The following SLC35F2 variants were observed in gnomAD, a reference collection of about 807,000 sequenced individuals.
SLC35F2 encodes solute carrier family 35 member F2.
SLC35F2 carries 25 observed loss-of-function variants against 38.1 expected under a neutral mutation model. The ratio of observed to expected loss-of-function variants is 0.66; its 90% CI spans 0.48 to 0.92. The LOEUF (loss-of-function observed/expected upper bound fraction) is 0.92. Ranked by LOEUF, SLC35F2 falls within the 40% of genes least tolerant of loss-of-function variation. The probability of loss-of-function intolerance (pLI) is 0.00; values close to 1 mark genes in which losing one functional copy is unlikely to be tolerated. For missense variants in SLC35F2, 409 were observed against 452.9 expected, an observed-to-expected ratio of 0.90 and a Z score of 0.88; for synonymous variants, 173 against 181.7, an observed-to-expected ratio of 0.95 and a Z score of 0.38.
At chr11:107,846,213 A>G (rs1860102478) in intron 1 of SLC35F2, among the ~76,000 whole-genome samples, 1 of 128,610 alleles carries the variant, frequency 7.8e-6, no homozygotes, top group South Asian at 2.9e-4. Context: ...GATTGGTAAC[A>G]GAAAAAAAAA....
intron 1 of SLC35F2, 67 bp downstream of exon 1, chr11:107,858,591 A>G: frequency 8.2e-7 from 1 of 1,226,080 alleles, no homozygotes; most frequent in Non-Finnish European, 1.0e-6. Context: ...CTCCTTGTCC[A>G]CGTGCGCGCA....
intron 4 of SLC35F2, chr11:107,806,515 A>T: frequency 1.8e-6 from 1 of 553,070 alleles, no homozygotes. Context: ...CGTTTAACTC[A>T]CTTGAAGATT....
chr11:107,817,991 A>T (rs1591194215), intron 1 of SLC35F2, among the ~76,000 whole-genome samples: 1 of 145,136 alleles, frequency 6.9e-6, no homozygotes, highest in South Asian at 2.3e-4. Flanking sequence ...CGGGAGGCGG[A>T]GTTTGCAGTG....
intron 1 of SLC35F2, among the ~76,000 whole-genome samples, chr11:107,837,471 T>C (rs1859946690): frequency 6.7e-6 from 1 of 150,320 alleles, no homozygotes; most frequent in Admixed American, 6.7e-5. Context: ...GTGGATCACT[T>C]GAGGTCAGGA....
Position 107,802,981 on chromosome 11 carries a change from A to G in SLC35F2, c.939+20T>C. 1 of 1,588,778 alleles carries G rather than the reference A, an allele frequency of 6.3e-7. No homozygotes were observed. The highest frequency in any genetic ancestry group is 8.5e-7 in the Non-Finnish European group (1 of 1,170,756). The stretch of plus-strand genomic sequence containing the variant: ...GGATCCAAGCAAGTATTCTTATTTG[A>G]ACGTGATCTATTTGTTTACCTTATA... On this transcript the variant is annotated intron_variant, in intron 7 of 7. Transcript: ENST00000525815.
chr11:107,805,662 GTGTGTGTGTA>G, intron 4 of SLC35F2, 147 bp from the exon 5 acceptor site: 3 of 1,444,138 alleles, frequency 2.1e-6, no homozygotes, highest in South Asian at 3.0e-5. Flanking sequence ...GTGAGAGTGT[GTGTGTGTGTA>G]TGTGTGTGTG....
chr11:107,821,102 G>T (rs1190405511), intron 1 of SLC35F2, among the ~76,000 whole-genome samples: 3 of 152,160 alleles, frequency 2.0e-5, no homozygotes, highest in African/African-American at 7.2e-5. Flanking sequence ...AAAGTACCAG[G>T]CACAGAAACC....
At chr11:107,818,473 T>C (rs973373229) in intron 1 of SLC35F2, among the ~76,000 whole-genome samples, 3 of 152,240 alleles carry the variant, frequency 2.0e-5, no homozygotes, top group African/African-American at 7.2e-5. Context: ...CTTAGCCCTC[T>C]TGAGGTAACT....
At chr11:107,858,553 C>T in intron 1 of SLC35F2, 105 bp downstream of exon 1, 1 of 1,065,580 alleles carries the variant, frequency 9.4e-7, no homozygotes, top group Non-Finnish European at 1.2e-6. Context: ...CCACCTCTGC[C>T]TCCCTGCTGG....
intron 1 of SLC35F2, among the ~76,000 whole-genome samples, chr11:107,828,786 T>C (rs1459457804): frequency 6.6e-6 from 1 of 152,140 alleles, no homozygotes; most frequent in Non-Finnish European, 1.5e-5. Context: ...ATGATTTGAA[T>C]ATCTGCCCTT....
chr11:107,830,492 G>A (rs1198246695), intron 1 of SLC35F2, among the ~76,000 whole-genome samples: 2 of 150,476 alleles, frequency 1.3e-5, no homozygotes, highest in Non-Finnish European at 2.9e-5. Context: ...GCTGAGGCAG[G>A]AGAATGGCGT....
At chr11:107,849,249 C>T (rs1455212618) in intron 1 of SLC35F2, among the ~76,000 whole-genome samples, 1 of 152,072 alleles carries the variant, frequency 6.6e-6, no homozygotes, top group Non-Finnish European at 1.5e-5. Context: ...TTCTGTGTAG[C>T]GAGATGATTG....
rs568909206 is a variant in SLC35F2, at chr11:107,792,820, A to C, written c.940-20T>G. The C allele has an allele frequency of 7.3e-5, 113 of 1,542,762 alleles. No homozygotes were observed. In the South Asian group the frequency reaches 1.3e-3, roughly 18 times the overall value. On this transcript the variant is annotated intron_variant, in intron 7 of 7. Transcript: ENST00000525815. ...TGAAAACTAGAAGGGAAGAACAGGC[A>C]GTGAATTGTGCCCCTCACATACACA...
intron 1 of SLC35F2, among the ~76,000 whole-genome samples, chr11:107,839,034 C>T (rs1859978433): frequency 6.6e-6 from 1 of 152,166 alleles, no homozygotes; most frequent in Admixed American, 6.6e-5. Context: ...TCAGAAGTAA[C>T]TTTTCCAAGA....
At chr11:107,818,744 T>C (rs946162452) in intron 1 of SLC35F2, among the ~76,000 whole-genome samples, 1 of 152,262 alleles carries the variant, frequency 6.6e-6, no homozygotes, top group Non-Finnish European at 1.5e-5. Context: ...CATTCCACTG[T>C]TGATGAATAT....
intron 3 of SLC35F2, among the ~76,000 whole-genome samples, chr11:107,809,329 CAAAA>C (rs61511493): frequency 6.2e-5 from 6 of 96,118 alleles, no homozygotes; most frequent in African/African-American, 7.0e-5. Context: ...ACTCAAAATA[CAAAA>C]AAAAAAAAAA....
intron 1 of SLC35F2, among the ~76,000 whole-genome samples, chr11:107,822,878 T>C (rs71488282): frequency 0.086 from 13,097 of 151,994 alleles, 686 homozygotes; most frequent in African/African-American, 0.14. Flanking sequence ...TTTAGGAAGA[T>C]TGAGGAATGC....
intron 5 of SLC35F2, 60 bp from the exon 6 acceptor site, chr11:107,804,830 G>A: frequency 1.4e-6 from 2 of 1,412,644 alleles, no homozygotes; most frequent in Non-Finnish European, 2.0e-6. Context: ...TATTTTATAA[G>A]CATTTTAGTC....
Position 107,792,446 on chromosome 11 carries a change from A to C in SLC35F2, c.*169T>G. The C allele has an allele frequency of 1.4e-6, 1 of 710,326 alleles. No individual in the cohort carries two copies. Among genetic ancestry groups the C allele is most frequent in the Non-Finnish European group, 2.2e-6 (1 of 456,864 alleles). The allele number at this position is 710,326 out of a possible 1,614,324, so 44.0% of individuals were successfully genotyped here. A position where few individuals can be genotyped will look rare whatever the true frequency, so the allele number is the denominator to read the frequency against. ...AGCTTGGTTTCTGCTCTATTTTGGTATTTCTACTTTTGAACTTTGTTCAGT... is the reference window on the plus strand; with the variant it reads ...AGCTTGGTTTCTGCTCTATTTTGGTCTTTCTACTTTTGAACTTTGTTCAGT... On this transcript the variant is annotated 3_prime_UTR_variant, in exon 8 of 8. Coordinates refer to ENST00000525815, the MANE Select transcript of SLC35F2 (RefSeq NM_017515.5).
Sources: gnomAD v4.1 joint callset for allele counts (sites outside exome capture counted in the v4.1 genomes callset) on GRCh38, gnomAD v4.1.1 for gene constraint, MANE v1.5 for transcripts, NCBI Gene and HGNC (gene_info 2026-07-23, HGNC 2026-07-21) for gene names.